The following DPP10 variants were observed in gnomAD, a reference collection of about 807,000 sequenced individuals.
DPP10 encodes the protein dipeptidyl peptidase like 10, also known as inactive dipeptidyl peptidase 10.
In DPP10, 33 loss-of-function variants were observed where a neutral mutation model predicts 120.9. That is an observed-to-expected ratio of 0.27 (90% CI 0.21 to 0.37). The LOEUF is 0.37. DPP10 is among the 10% of genes least tolerant of loss of function. DPP10 has a pLI of 1.00. For missense variants in DPP10, 816 were observed against 942.8 expected, an observed-to-expected ratio of 0.87 and a Z score of 1.76; for synonymous variants, 337 against 326.1, an observed-to-expected ratio of 1.03 and a Z score of -0.36.
At chr2:115,788,474 A>G (rs1446484522) in intron 17 of DPP10, among the ~76,000 whole-genome samples, 3 of 152,174 alleles carry the variant, frequency 2.0e-5, no homozygotes, top group African/African-American at 4.8e-5. Flanking sequence ...TGCTTCCCTG[A>G]CAAGATCAAT....
intron 22 of DPP10, 112 bp from the exon 23 acceptor site, chr2:115,836,395 C>T: frequency 7.0e-7 from 1 of 1,433,024 alleles, no homozygotes; most frequent in South Asian, 1.3e-5. Flanking sequence ...CTCCTTGATT[C>T]AGCTGATTTT....
chr2:115,036,207 A>AT, intron 1 of DPP10, among the ~76,000 whole-genome samples: 1 of 152,312 alleles, frequency 6.6e-6, no homozygotes, highest in South Asian at 2.1e-4. Context: ...TTGTAAAATC[A>AT]TCAGATCTCA....
intron 1 of DPP10, among the ~76,000 whole-genome samples, chr2:114,654,924 G>A (rs1309753004): frequency 2.0e-5 from 3 of 152,120 alleles, no homozygotes; most frequent in African/African-American, 7.2e-5. Flanking sequence ...TCAAAAATGG[G>A]TGTGGAGTTC....
In DPP10 at chr2:115,630,519, T is replaced by C. The variant is rs181997155; in HGVS notation, c.442-59168T>C. On this transcript the variant is annotated intron_variant, in intron 5 of 25. Transcript: ENST00000410059. ...AGGAGTGTTTCCAGCTTTTGCCCTTTCAATATGATATTGGCTGTGGGTTTG... is the reference window on the plus strand; with the variant it reads ...AGGAGTGTTTCCAGCTTTTGCCCTTCCAATATGATATTGGCTGTGGGTTTG... Among the ~76,000 whole-genome samples, 63 of 152,324 alleles carry C rather than the reference T, an allele frequency of 4.1e-4. No homozygotes were observed. The Middle Eastern group carries it at 0.014, about 33-fold the overall frequency.
chr2:115,025,043 T>C (rs1261045469), intron 1 of DPP10, among the ~76,000 whole-genome samples: 1 of 151,522 alleles, frequency 6.6e-6, no homozygotes, highest in Non-Finnish European at 1.5e-5. Context: ...TCTAGATAAT[T>C]TGAATGTACA....
chr2:115,534,342 T>C (rs1183572613), intron 5 of DPP10, among the ~76,000 whole-genome samples: 2 of 151,752 alleles, frequency 1.3e-5, no homozygotes, highest in African/African-American at 2.4e-5. Flanking sequence ...TTCCCACCTA[T>C]GAGTGAGAAT....
intron 1 of DPP10, among the ~76,000 whole-genome samples, chr2:115,029,847 C>G (rs902593117): frequency 6.6e-6 from 1 of 152,102 alleles, no homozygotes. Flanking sequence ...TCTAATTTTT[C>G]CCCAATATGG....
At chr2:114,686,939 G>A (rs180819868) in intron 1 of DPP10, among the ~76,000 whole-genome samples, 130 of 151,992 alleles carry the variant, frequency 8.6e-4, no homozygotes, top group Non-Finnish European at 1.3e-3. Flanking sequence ...TCTGGGATGT[G>A]CATTCCTTTT....
intron 1 of DPP10, among the ~76,000 whole-genome samples, chr2:114,839,544 A>G (rs1348974988): frequency 6.6e-6 from 1 of 152,202 alleles, no homozygotes; most frequent in African/African-American, 2.4e-5. Context: ...CAACTTAGTG[A>G]TTTTCGTTAA....
chr2:114,561,021 C>T (rs1688719734), intron 1 of DPP10, among the ~76,000 whole-genome samples: 1 of 152,140 alleles, frequency 6.6e-6, no homozygotes, highest in Admixed American at 6.5e-5. Flanking sequence ...GCAGGGAATC[C>T]TAAGGAAGCT....
intron 1 of DPP10, among the ~76,000 whole-genome samples, chr2:114,907,675 T>G (rs1311036530): frequency 6.6e-6 from 1 of 152,120 alleles, no homozygotes; most frequent in Non-Finnish European, 1.5e-5. Context: ...ATCTCAATTT[T>G]ATAAGAATTT....
At chr2:115,081,534 A>C (rs1251288377) in intron 1 of DPP10, among the ~76,000 whole-genome samples, 1 of 152,052 alleles carries the variant, frequency 6.6e-6, no homozygotes, top group African/African-American at 2.4e-5. Context: ...ATTTATTTAC[A>C]CCTTTCAGTG....
intron 15 of DPP10, among the ~76,000 whole-genome samples, chr2:115,778,536 A>G (rs938119555): frequency 6.6e-6 from 1 of 152,088 alleles, no homozygotes; most frequent in African/African-American, 2.4e-5. Context: ...CTGGCAAGCA[A>G]CCTATTAATT....
In DPP10 at chr2:114,622,399, CATCT is replaced by C. The variant is rs1434811629; in HGVS notation, c.60+179566_60+179569del. 2.8e-5 allele frequency among the ~76,000 whole-genome samples: 4 copies of C among 144,302 alleles called. No homozygotes were observed. In the East Asian group the frequency reaches 8.1e-4, roughly 29 times the overall value. The allele number at this position is 144,302 out of a possible 152,430, so 94.7% of individuals were successfully genotyped here. On this transcript the variant is annotated intron_variant, in intron 1 of 25. Coordinates refer to ENST00000410059, the MANE Select transcript of DPP10 (RefSeq NM_020868.6). ...GTCCATCTATCCATCCATCCCCATC[CATCT>C]ATCTTTTTTTTTTTTTTGCTTTTTG... is the stretch of plus-strand genomic sequence containing the variant.
At chr2:115,703,544 C>CA (rs1394214751) in intron 7 of DPP10, among the ~76,000 whole-genome samples, 1 of 151,924 alleles carries the variant, frequency 6.6e-6, no homozygotes, top group Admixed American at 6.6e-5. Flanking sequence ...ATCTGTCGGG[C>CA]AGGTTGGCAG....
chr2:115,328,007 T>A (rs907457935), intron 2 of DPP10, among the ~76,000 whole-genome samples: 1 of 152,020 alleles, frequency 6.6e-6, no homozygotes, highest in Non-Finnish European at 1.5e-5. Context: ...ATGAATACAG[T>A]TTTGATTTCT....
chr2:114,990,047 G>A (rs1700668223), intron 1 of DPP10, among the ~76,000 whole-genome samples: 1 of 152,234 alleles, frequency 6.6e-6, no homozygotes, highest in South Asian at 2.1e-4. Flanking sequence ...CTTGTAAACT[G>A]TACTTTTCTC....
intron 1 of DPP10, among the ~76,000 whole-genome samples, chr2:114,531,008 C>T (rs1685929211): frequency 6.6e-6 from 1 of 152,078 alleles, no homozygotes; most frequent in Admixed American, 6.5e-5. Context: ...CAGGAACTCT[C>T]TTCAATCAAT....
chr2:114,679,159 T>C (rs1698860120), intron 1 of DPP10, among the ~76,000 whole-genome samples: 1 of 152,010 alleles, frequency 6.6e-6, no homozygotes, highest in South Asian at 2.1e-4. Context: ...TTTGAGAGGA[T>C]TTTACTAGTG....
Sources: gnomAD v4.1 joint callset for allele counts (sites outside exome capture counted in the v4.1 genomes callset) on GRCh38, gnomAD v4.1.1 for gene constraint, MANE v1.5 for transcripts, NCBI Gene and HGNC (gene_info 2026-07-23, HGNC 2026-07-21) for gene names.